WDR7: variants seen among roughly 807,000 people sequenced by gnomAD.
WDR7 encodes WD repeat domain 7, also known as WD repeat-containing protein 7.
Under a neutral mutation model 169.4 loss-of-function variants are expected in WDR7, and 46 were observed. That is an observed-to-expected ratio of 0.27 (90% CI 0.21 to 0.35). WDR7 has a LOEUF of 0.35. Ranked by LOEUF, WDR7 falls within the 10% of genes least tolerant of loss-of-function variation. The probability of loss-of-function intolerance (pLI) is 1.00; values close to 1 mark genes in which losing one functional copy is unlikely to be tolerated. For synonymous variants in WDR7, 612 were observed against 666.8 expected, an observed-to-expected ratio of 0.92 and a Z score of 1.27; for missense variants, 1,534 against 1,859.3, an observed-to-expected ratio of 0.83 and a Z score of 3.22.
intron 20 of WDR7, among the ~76,000 whole-genome samples, chr18:56,855,357 T>A (rs191862836): frequency 1.8e-3 from 268 of 152,316 alleles, no homozygotes; most frequent in African/African-American, 6.1e-3. Context: ...TCTTATATTT[T>A]CATTTTCTTT....
chr18:56,705,400 C>A (rs1321128689), intron 12 of WDR7, among the ~76,000 whole-genome samples: 1 of 151,642 alleles, frequency 6.6e-6, no homozygotes, highest in East Asian at 1.9e-4. Context: ...TTTTTCAAAG[C>A]CCTCAGGGAG....
At chr18:57,003,327 TA>T in intron 26 of WDR7, among the ~76,000 whole-genome samples, 1 of 151,966 alleles carries the variant, frequency 6.6e-6, no homozygotes. Flanking sequence ...GAAATTATAC[TA>T]AAAAAATACA....
intron 21 of WDR7, among the ~76,000 whole-genome samples, chr18:56,917,224 GTC>G (rs1051740499): frequency 1.3e-5 from 2 of 152,024 alleles, no homozygotes; most frequent in African/African-American, 2.4e-5. Context: ...CGTTCTGTGT[GTC>G]TGTTGTGTAT....
At chr18:56,696,538 T>A in intron 12 of WDR7, 76 bp downstream of exon 12, 1 of 1,204,526 alleles carries the variant, frequency 8.3e-7, no homozygotes, top group Non-Finnish European at 1.2e-6. Flanking sequence ...GTAAATGGAA[T>A]CTAGACTAAC....
intron 22 of WDR7, among the ~76,000 whole-genome samples, chr18:56,932,873 G>C (rs1054757827): frequency 9.8e-6 from 1 of 101,812 alleles, no homozygotes; most frequent in Non-Finnish European, 1.9e-5. Context: ...TCTTCATTCT[G>C]GGTGTGTGTG....
chr18:56,691,885 G>T, intron 9 of WDR7, 68 bp downstream of exon 9: 2 of 1,279,616 alleles, frequency 1.6e-6, no homozygotes, highest in Non-Finnish European at 1.1e-6. Flanking sequence ...TGTATTTATT[G>T]TCTTGTGATA....
intron 25 of WDR7, among the ~76,000 whole-genome samples, chr18:56,955,671 A>T (rs1400317735): frequency 6.6e-6 from 1 of 152,004 alleles, no homozygotes; most frequent in East Asian, 1.9e-4. Context: ...GATGATGATG[A>T]TGATGATGAT....
intron 16 of WDR7, among the ~76,000 whole-genome samples, chr18:56,770,636 T>C (rs2044139949): frequency 6.6e-6 from 1 of 152,206 alleles, no homozygotes; most frequent in Non-Finnish European, 1.5e-5. Context: ...TGACTGTATT[T>C]TTTAAACATT....
chr18:56,729,955 C>G (rs989980696), intron 13 of WDR7, among the ~76,000 whole-genome samples: 3 of 152,124 alleles, frequency 2.0e-5, no homozygotes, highest in African/African-American at 7.2e-5. Flanking sequence ...AGGTTGACAT[C>G]TTTTTGTATG....
At chr18:56,655,825 A>G (rs1258824050) in intron 1 of WDR7, among the ~76,000 whole-genome samples, 1 of 152,186 alleles carries the variant, frequency 6.6e-6, no homozygotes, top group Non-Finnish European at 1.5e-5. Context: ...TTTGAAATTG[A>G]GATTCATCCA....
At position 56,660,215 on chromosome 18, in the gene WDR7, C is replaced by A. The variant is rs187628240; in HGVS notation, c.-20+8639C>A. Among the ~76,000 whole-genome samples, 10 of 152,212 alleles carry A rather than the reference C, an allele frequency of 6.6e-5. No homozygotes were observed. The East Asian group carries it at 1.5e-3, about 24-fold the overall frequency. Reference sequence around the variant, plus strand: ...CCATTGAGGAATGATCAGGGGCTCACTTTTGGACATGCCAAGTTTGAGAAA... The same window carrying A: ...CCATTGAGGAATGATCAGGGGCTCAATTTTGGACATGCCAAGTTTGAGAAA... On this transcript the variant is annotated intron_variant, in intron 1 of 27. Transcript: ENST00000254442.
chr18:56,723,889 G>T (rs2026378310), intron 13 of WDR7, among the ~76,000 whole-genome samples: 1 of 150,422 alleles, frequency 6.6e-6, no homozygotes, highest in Non-Finnish European at 1.5e-5. Flanking sequence ...AACTTTTTTT[G>T]GTTTCATTTT....
At chr18:56,659,481 A>G (rs1200026267) in intron 1 of WDR7, among the ~76,000 whole-genome samples, 1 of 152,236 alleles carries the variant, frequency 6.6e-6, no homozygotes, top group Non-Finnish European at 1.5e-5. Flanking sequence ...CATAGAACAT[A>G]CACCAGGAGA....
chr18:56,872,792 G>T (rs2045970991), intron 20 of WDR7: 1 of 152,026 alleles, frequency 6.6e-6, no homozygotes, highest in Non-Finnish European at 1.5e-5. Context: ...TTAAATGGAG[G>T]CATGTCTCTG....
chr18:56,933,976 C>T (rs770572363), intron 22 of WDR7, among the ~76,000 whole-genome samples: 9 of 152,184 alleles, frequency 5.9e-5, no homozygotes, highest in Non-Finnish European at 1.3e-4. Flanking sequence ...AGAGATGTTG[C>T]CTGGGAAATC....
At chr18:56,834,381 G>A (rs1403957066) in intron 20 of WDR7, among the ~76,000 whole-genome samples, 1 of 152,038 alleles carries the variant, frequency 6.6e-6, no homozygotes, top group East Asian at 1.9e-4. Context: ...CTGGGGGTTG[G>A]TTACCTTAGA....
intron 21 of WDR7, among the ~76,000 whole-genome samples, chr18:56,886,944 A>G (rs1371652194): frequency 2.0e-5 from 3 of 152,216 alleles, no homozygotes; most frequent in Non-Finnish European, 2.9e-5. Flanking sequence ...AAATATATAT[A>G]CACCTAACAC....
At chr18:56,725,636 T>C (rs940650637) in intron 13 of WDR7, among the ~76,000 whole-genome samples, 2 of 152,248 alleles carry the variant, frequency 1.3e-5, no homozygotes, top group African/African-American at 2.4e-5. Flanking sequence ...TTTCTTTTGC[T>C]GTGCAGAAGC....
At chr18:56,855,136 T>C (rs2145384461) in intron 20 of WDR7, among the ~76,000 whole-genome samples, 1 of 152,286 alleles carries the variant, frequency 6.6e-6, no homozygotes, top group African/African-American at 2.4e-5. Flanking sequence ...TAGAAAAGGA[T>C]GTCTTATTGT....
Sources: gnomAD v4.1 joint callset for allele counts (sites outside exome capture counted in the v4.1 genomes callset) on GRCh38, gnomAD v4.1.1 for gene constraint, MANE v1.5 for transcripts, NCBI Gene and HGNC (gene_info 2026-07-23, HGNC 2026-07-21) for gene names.